CCZ1: variants seen among roughly 807,000 people sequenced by gnomAD.
The protein encoded by CCZ1 is vacuolar fusion protein CCZ1 homolog.
CCZ1 carries 19 observed loss-of-function variants against 57.8 expected under a neutral mutation model. The ratio of observed to expected loss-of-function variants is 0.33; its 90% CI spans 0.23 to 0.48. The LOEUF (loss-of-function observed/expected upper bound fraction) is 0.48. Ranked by LOEUF, CCZ1 falls within the 20% of genes least tolerant of loss-of-function variation. CCZ1 has a pLI of 0.99. For missense variants in CCZ1, 200 were observed against 492.0 expected (o/e 0.41, Z 5.61); for synonymous variants, 81 against 167.0 (o/e 0.49, Z 3.97).
intron 4 of CCZ1, 181 bp downstream of exon 4, chr7:5,901,113 A>G: frequency 1.0e-5 from 4 of 381,814 alleles, no homozygotes; most frequent in Non-Finnish European, 1.8e-5. Flanking sequence ...TATGCACCCA[A>G]TCTCACTAAT....
chr7:5,906,334 T>TA (rs1438911736), intron 7 of CCZ1, among the ~76,000 whole-genome samples: 1 of 144,746 alleles, frequency 6.9e-6, no homozygotes, highest in Non-Finnish European at 1.5e-5. Flanking sequence ...TTTTTTTTTT[T>TA]TTTTTTTGAG....
intron 7 of CCZ1, among the ~76,000 whole-genome samples, chr7:5,908,902 C>T (rs1781898316): frequency 6.8e-6 from 1 of 147,498 alleles, no homozygotes; most frequent in South Asian, 2.3e-4. Context: ...GAATTAAAAT[C>T]CATGTACATT....
intron 3 of CCZ1, 106 bp from the exon 4 acceptor site, chr7:5,900,749 A>C: frequency 6.4e-7 from 1 of 1,572,248 alleles, no homozygotes; most frequent in Non-Finnish European, 8.6e-7. Context: ...CTGTTTTAAG[A>C]AGCTATGTTT....
At chr7:5,924,406 ATTTC>A (rs1779314669) in intron 14 of CCZ1, among the ~76,000 whole-genome samples, 1 of 92,040 alleles carries the variant, frequency 1.1e-5, no homozygotes, top group African/African-American at 4.1e-5. Flanking sequence ...GACCCAGCTA[ATTTC>A]TTTTTTTTTT....
intron 8 of CCZ1, 121 bp from the exon 9 acceptor site, chr7:5,911,740 C>T (rs914255226): frequency 1.5e-5 from 19 of 1,229,768 alleles, no homozygotes; most frequent in Non-Finnish European, 1.7e-5. Context: ...GAACAAGATC[C>T]TGTCTCTAAA....
Position 5,905,287 on chromosome 7 carries a change from C to T in CCZ1, c.698+18C>T. 8 of 1,367,448 alleles carry T rather than the reference C, an allele frequency of 5.9e-6. No individual in the cohort carries two copies. Among genetic ancestry groups the T allele is most frequent in the Non-Finnish European group, 7.9e-6 (8 of 1,013,906 alleles). 84.7% of individuals were successfully genotyped at this position (1,367,448 alleles called of 1,614,324 possible). On this transcript the variant is annotated intron_variant, in intron 7 of 14. Transcript: ENST00000325974. ...CTCATCTGGTAGGTACACCCCGAGGCATGGTATTAAAAGAAGAAATTAAGA... is the reference window on the plus strand; with the variant it reads ...CTCATCTGGTAGGTACACCCCGAGGTATGGTATTAAAAGAAGAAATTAAGA...
At chr7:5,903,151 G>A (rs1192883701) in intron 6 of CCZ1, among the ~76,000 whole-genome samples, 1 of 149,066 alleles carries the variant, frequency 6.7e-6, no homozygotes, top group Non-Finnish European at 1.5e-5. Flanking sequence ...GGCGTGAACC[G>A]TCTTGATGTA....
At chr7:5,918,587 A>G in intron 10 of CCZ1, 1 of 388,758 alleles carries the variant, frequency 2.6e-6, no homozygotes, top group Non-Finnish European at 4.9e-6. Context: ...CGGGTTTGCA[A>G]GAGCATTTTA....
chr7:5,916,493 GTTTTGTTTT>G (rs1475061788), intron 10 of CCZ1, among the ~76,000 whole-genome samples: 2 of 31,158 alleles, frequency 6.4e-5, no homozygotes, highest in Non-Finnish European at 1.3e-4. Context: ...TTGGGTTTTT[GTTTTGTTTT>G]TTGTTTTTTT....
intron 9 of CCZ1, among the ~76,000 whole-genome samples, 161 bp from the exon 10 acceptor site, chr7:5,912,682 G>A (rs1339319020): frequency 6.6e-6 from 1 of 151,134 alleles, no homozygotes; most frequent in Non-Finnish European, 1.5e-5. Flanking sequence ...TTACAGGCAT[G>A]AGCCACCACG....
chr7:5,899,464 A>G (rs1694906781), intron 1 of CCZ1, among the ~76,000 whole-genome samples: 1 of 141,488 alleles, frequency 7.1e-6, no homozygotes, highest in African/African-American at 2.6e-5. Context: ...GACTTCTGTT[A>G]AAGACTGTCC....
At chr7:5,916,498 G>GTTTTTTTTTTTTTTTTTTTTTTTT (rs764065119) in intron 10 of CCZ1, among the ~76,000 whole-genome samples, 5 of 110,962 alleles carry the variant, frequency 4.5e-5, no homozygotes, top group South Asian at 3.1e-4. Context: ...TTTTTGTTTT[G>GTTTTTTTTTTTTTTTTTTTTTTTT]TTTTTTGTTT....
chr7:5,912,645 C>G (rs144893496), intron 9 of CCZ1, among the ~76,000 whole-genome samples, 198 bp from the exon 10 acceptor site: 9 of 150,686 alleles, frequency 6.0e-5, no homozygotes, highest in South Asian at 2.1e-4. Flanking sequence ...GGTGATCCAC[C>G]CAGCTCAGCC....
intron 8 of CCZ1, among the ~76,000 whole-genome samples, chr7:5,910,473 C>T (rs1562541799): frequency 1.4e-5 from 2 of 147,936 alleles, no homozygotes; most frequent in South Asian, 2.3e-4. Flanking sequence ...ATTACAGGTG[C>T]CTGCCACCAC....
At chr7:5,917,076 A>AT (rs1779163708) in intron 10 of CCZ1, among the ~76,000 whole-genome samples, 1 of 11,910 alleles carries the variant, frequency 8.4e-5, no homozygotes. Context: ...CCAAGGTCTC[A>AT]TTTTTCACAA....
At chr7:5,909,273 C>T (rs1781910809) in intron 7 of CCZ1, among the ~76,000 whole-genome samples, 1 of 149,842 alleles carries the variant, frequency 6.7e-6, no homozygotes. Context: ...AAGAGAAAAG[C>T]ACCAGTAGTC....
chr7:5,907,577 C>A (rs1781863196), intron 7 of CCZ1, among the ~76,000 whole-genome samples: 1 of 146,342 alleles, frequency 6.8e-6, no homozygotes, highest in Admixed American at 6.7e-5. Flanking sequence ...GGAGCTCATT[C>A]TGGGAGACCC....
chr7:5,909,718 ATTT>A (rs1228217985), intron 7 of CCZ1, among the ~76,000 whole-genome samples: 2 of 142,792 alleles, frequency 1.4e-5, no homozygotes, highest in African/African-American at 5.3e-5. Context: ...AGAAAAAAAA[ATTT>A]TTTTTAATAA....
At chr7:5,906,196 G>C (rs1228524834) in intron 7 of CCZ1, among the ~76,000 whole-genome samples, 2 of 148,348 alleles carry the variant, frequency 1.3e-5, no homozygotes, top group African/African-American at 5.0e-5. Context: ...ACCCCTGAGA[G>C]CTGGGTGGCA....
Sources: gnomAD v4.1 joint callset for allele counts (sites outside exome capture counted in the v4.1 genomes callset) on GRCh38, gnomAD v4.1.1 for gene constraint, MANE v1.5 for transcripts, NCBI Gene and HGNC (gene_info 2026-07-23, HGNC 2026-07-21) for gene names.